Variants in PDK1 observed in about 807,000 individuals in gnomAD.
The protein encoded by PDK1 is pyruvate dehydrogenase kinase 1.
PDK1 carries 39 observed loss-of-function variants against 54.2 expected under a neutral mutation model. That is an observed-to-expected ratio of 0.72 (90% CI 0.56 to 0.94). PDK1 has a LOEUF of 0.94. Ranked by LOEUF, PDK1 falls within the 40% of genes least tolerant of loss-of-function variation. The pLI is 0.00. For missense variants in PDK1, 552 were observed against 566.0 expected (o/e 0.98, Z 0.25); for synonymous variants, 221 against 207.1 (o/e 1.07, Z -0.58).
rs113774216 is a variant in PDK1 at position 172,571,026 on chromosome 2, C to T, written c.945+202C>T. On this transcript the variant is annotated intron_variant, in intron 8 of 10. Coordinates refer to ENST00000282077, the MANE Select transcript of PDK1 (RefSeq NM_002610.5). ...CCCTTGAGTCTTTTCTATGCAGGTCCCCCGTCGAGGTGATTCAAGTTAAAA... is the reference window on the plus strand; with the variant it reads ...CCCTTGAGTCTTTTCTATGCAGGTCTCCCGTCGAGGTGATTCAAGTTAAAA... Among the ~76,000 whole-genome samples, 1,150 of 152,054 alleles carry T rather than the reference C, an allele frequency of 7.6e-3. 20 individuals carry two copies. Among genetic ancestry groups the T allele is most frequent in the African/African-American group, 0.026 (1,077 of 41,458 alleles).
intron 8 of PDK1, among the ~76,000 whole-genome samples, chr2:172,571,340 C>G (rs1689247102): frequency 1.3e-5 from 2 of 152,156 alleles, no homozygotes; most frequent in Admixed American, 1.3e-4. Context: ...TAGGCCTTTT[C>G]TATTACATTG....
chr2:172,686,190 C>G, the PDK1 span, among the ~76,000 whole-genome samples: 1 of 152,232 alleles, frequency 6.6e-6, no homozygotes, highest in East Asian at 1.9e-4. Context: ...GAATCGTGGC[C>G]CTAGAAACAC....
intron 1 of PDK1, 52 bp downstream of exon 1, chr2:172,556,398 C>G: frequency 7.8e-7 from 1 of 1,289,252 alleles, no homozygotes; most frequent in Non-Finnish European, 1.0e-6. Context: ...GGGCGGGGAG[C>G]TGCGGCCGCT....
chr2:172,655,101 C>T, the PDK1 span, among the ~76,000 whole-genome samples: 1 of 152,116 alleles, frequency 6.6e-6, no homozygotes, highest in African/African-American at 2.4e-5. Flanking sequence ...AGCTCCTGAC[C>T]CACCTTTTGG....
chr2:172,706,715 A>C, the PDK1 span, among the ~76,000 whole-genome samples: 1 of 152,084 alleles, frequency 6.6e-6, no homozygotes, highest in African/African-American at 2.4e-5. Context: ...AGATGTGAGC[A>C]CCCACGCTGG....
chr2:172,712,985 G>A, the PDK1 span, among the ~76,000 whole-genome samples: 3 of 152,194 alleles, frequency 2.0e-5, no homozygotes, highest in South Asian at 2.1e-4. Context: ...CAGGCTGTCC[G>A]AATGTCTCTG....
intron 8 of PDK1, among the ~76,000 whole-genome samples, chr2:172,582,446 G>A (rs1689964490): frequency 6.6e-6 from 1 of 152,096 alleles, no homozygotes; most frequent in Admixed American, 6.5e-5. Flanking sequence ...AGGAAGTTAG[G>A]GATGGCAGCT....
chr2:172,587,615 A>G (rs1001466920), intron 9 of PDK1, among the ~76,000 whole-genome samples: 3 of 152,108 alleles, frequency 2.0e-5, no homozygotes, highest in African/African-American at 7.2e-5. Context: ...CAAAAGAACA[A>G]AGCTTCTACA....
At chr2:172,710,838 T>C in the PDK1 span, among the ~76,000 whole-genome samples, 13 of 152,246 alleles carry the variant, frequency 8.5e-5, no homozygotes, top group Admixed American at 8.5e-4. Context: ...AAGGATGCTC[T>C]AATTCTCAGT....
chr2:172,586,988 T>C (rs1690264860), intron 9 of PDK1, among the ~76,000 whole-genome samples: 1 of 152,196 alleles, frequency 6.6e-6, no homozygotes, highest in African/African-American at 2.4e-5. Context: ...AAATTTTGTC[T>C]GTAATTCTAG....
the PDK1 span, among the ~76,000 whole-genome samples, chr2:172,653,918 A>G: frequency 1.3e-5 from 2 of 152,200 alleles, no homozygotes; most frequent in Admixed American, 6.5e-5. Flanking sequence ...ACTTAAACAA[A>G]TTTACAAGAA....
At chr2:172,705,002 A>G in the PDK1 span, among the ~76,000 whole-genome samples, 3 of 152,210 alleles carry the variant, frequency 2.0e-5, no homozygotes, top group South Asian at 6.2e-4. Context: ...AGGCCAGCAA[A>G]AAAGGTGGAA....
At chr2:172,568,639 C>G (rs1053223381) in intron 6 of PDK1, 102 bp from the exon 7 acceptor site, 24 of 744,686 alleles carry the variant, frequency 3.2e-5, no homozygotes, top group Non-Finnish European at 5.3e-5. Flanking sequence ...TAATACTGTC[C>G]TCCGTAGTTA....
At chr2:172,629,974 G>A in the PDK1 span, among the ~76,000 whole-genome samples, 1 of 152,176 alleles carries the variant, frequency 6.6e-6, no homozygotes, top group African/African-American at 2.4e-5. Flanking sequence ...TCAACAATCT[G>A]TGTGTGAGTT....
chr2:172,709,852 A>G, the PDK1 span, among the ~76,000 whole-genome samples: 3 of 152,208 alleles, frequency 2.0e-5, no homozygotes, highest in Non-Finnish European at 4.4e-5. Context: ...GATGGACAGC[A>G]ATGGTAGTAT....
chr2:172,713,189 G>A, the PDK1 span, among the ~76,000 whole-genome samples: 1 of 152,370 alleles, frequency 6.6e-6, no homozygotes, highest in South Asian at 2.1e-4. Flanking sequence ...CCGCTCTGCA[G>A]GGAGGTCGTC....
chr2:172,702,909 G>C, the PDK1 span, among the ~76,000 whole-genome samples: 1 of 152,078 alleles, frequency 6.6e-6, no homozygotes, highest in African/African-American at 2.4e-5. Context: ...TCTCATTGTA[G>C]ACTGTAGTGA....
chr2:172,595,262 A>G (rs1338706235), intron 10 of PDK1, among the ~76,000 whole-genome samples: 7 of 151,966 alleles, frequency 4.6e-5, no homozygotes, highest in African/African-American at 1.5e-4. Flanking sequence ...TAGAGACAGG[A>G]TCTTGCTATG....
At chr2:172,702,467 A>G in the PDK1 span, among the ~76,000 whole-genome samples, 1 of 144,706 alleles carries the variant, frequency 6.9e-6, no homozygotes, top group African/African-American at 2.7e-5. Context: ...ACAGAGTGAG[A>G]CTTTGTTTAA....
Sources: gnomAD v4.1 joint callset for allele counts (sites outside exome capture counted in the v4.1 genomes callset) on GRCh38, gnomAD v4.1.1 for gene constraint, MANE v1.5 for transcripts, NCBI Gene and HGNC (gene_info 2026-07-23, HGNC 2026-07-21) for gene names.